Variants in CR1L observed in about 807,000 individuals in gnomAD.
CR1L encodes complement C3b/C4b receptor 1 like, also known as complement component receptor 1-like protein.
In CR1L, 59 loss-of-function variants were observed where a neutral mutation model predicts 62.3. That is an observed-to-expected ratio of 0.95 (90% CI 0.77 to 1.18). CR1L has a LOEUF of 1.18. Among genes scored for constraint, CR1L ranks in the 50% most tolerant of loss-of-function variants. CR1L has a pLI of 0.00. For missense variants in CR1L, 700 were observed against 702.8 expected, an observed-to-expected ratio of 1.00 and a Z score of 0.04; for synonymous variants, 279 against 248.7, an observed-to-expected ratio of 1.12 and a Z score of -1.15.
intron 3 of CR1L, among the ~76,000 whole-genome samples, chr1:207,679,507 C>T (rs1357476177): frequency 6.6e-6 from 1 of 152,066 alleles, no homozygotes; most frequent in African/African-American, 2.4e-5. Context: ...TGCAAAATGG[C>T]ACCATGACTT....
chr1:207,646,757 T>A (rs909372583), intron 1 of CR1L, among the ~76,000 whole-genome samples: 136 of 127,700 alleles, frequency 1.1e-3, no homozygotes, highest in Non-Finnish European at 2.5e-4. Flanking sequence ...CATGCTTAAA[T>A]ACAGGCTTAT....
At chr1:207,648,788 G>T (rs367835110) in intron 1 of CR1L, among the ~76,000 whole-genome samples, 137 of 152,340 alleles carry the variant, frequency 9.0e-4, no homozygotes, top group African/African-American at 3.1e-3. Flanking sequence ...TGCAAAAAGA[G>T]CAGTCCATAT....
intron 1 of CR1L, among the ~76,000 whole-genome samples, chr1:207,660,436 G>A (rs1663392641): frequency 6.6e-6 from 1 of 152,250 alleles, no homozygotes; most frequent in East Asian, 1.9e-4. Flanking sequence ...GCAGCTGAGG[G>A]ACCTGTCTGT....
chr1:207,660,266 C>A (rs1663389566), intron 1 of CR1L, among the ~76,000 whole-genome samples: 1 of 152,246 alleles, frequency 6.6e-6, no homozygotes, highest in Non-Finnish European at 1.5e-5. Flanking sequence ...AGACACCTCC[C>A]AATAGGGGCT....
intron 4 of CR1L, among the ~76,000 whole-genome samples, chr1:207,686,691 A>T (rs1318475506): frequency 3.3e-5 from 5 of 152,212 alleles, no homozygotes; most frequent in Non-Finnish European, 7.3e-5. Context: ...TTTTCAAATT[A>T]CACAATTCAG....
intron 4 of CR1L, among the ~76,000 whole-genome samples, chr1:207,688,098 C>A (rs1663939358): frequency 6.6e-6 from 1 of 152,084 alleles, no homozygotes; most frequent in African/African-American, 2.4e-5. Flanking sequence ...CAAAGCGAGA[C>A]CCTGTCTCTA....
intron 3 of CR1L, among the ~76,000 whole-genome samples, chr1:207,678,518 A>G (rs1558016578): frequency 6.6e-6 from 1 of 152,208 alleles, no homozygotes; most frequent in Non-Finnish European, 1.5e-5. Flanking sequence ...CAGAGCATAT[A>G]TGAAAAGTGT....
intron 1 of CR1L, among the ~76,000 whole-genome samples, chr1:207,660,360 G>C (rs1663390723): frequency 6.6e-6 from 1 of 152,230 alleles, no homozygotes; most frequent in South Asian, 2.1e-4. Context: ...CTGTTCTGCA[G>C]CCTCCGCTGG....
intron 8 of CR1L, among the ~76,000 whole-genome samples, chr1:207,700,863 C>T (rs536129187): frequency 6.6e-5 from 10 of 152,278 alleles, no homozygotes; most frequent in Middle Eastern, 3.4e-3. Context: ...CCCTTCAAAA[C>T]GGTTATTTTT....
intron 10 of CR1L, among the ~76,000 whole-genome samples, chr1:207,713,362 A>C (rs1386238779): frequency 6.6e-6 from 1 of 152,258 alleles, no homozygotes; most frequent in Non-Finnish European, 1.5e-5. Context: ...TAGTGTATGA[A>C]TAACTATGTT....
chr1:207,689,257 T>C (rs1466165154), intron 4 of CR1L, among the ~76,000 whole-genome samples: 3 of 152,122 alleles, frequency 2.0e-5, no homozygotes, highest in Admixed American at 6.5e-5. Context: ...GTTAATGTAA[T>C]ATATTACATT....
chr1:207,708,652 C>A (rs1357781475), intron 10 of CR1L, among the ~76,000 whole-genome samples: 3 of 152,246 alleles, frequency 2.0e-5, no homozygotes, highest in Non-Finnish European at 4.4e-5. Flanking sequence ...CCATGCAGCT[C>A]TTTCTTCCTT....
chr1:207,680,591 A>G (rs1663780700), intron 3 of CR1L, among the ~76,000 whole-genome samples: 2 of 152,078 alleles, frequency 1.3e-5, no homozygotes, highest in South Asian at 4.1e-4. Context: ...TGGGCTTCCT[A>G]CCAAAGAATT....
chr1:207,704,899 A>G (rs1268838318), intron 9 of CR1L, among the ~76,000 whole-genome samples: 1 of 152,198 alleles, frequency 6.6e-6, no homozygotes, highest in East Asian at 1.9e-4. Context: ...AACCTGCAAT[A>G]TCTTTGAGGA....
chr1:207,661,010 C>T (rs1033056780), intron 1 of CR1L, among the ~76,000 whole-genome samples: 4 of 152,138 alleles, frequency 2.6e-5, no homozygotes, highest in African/African-American at 4.8e-5. Flanking sequence ...GTCTGAGAGA[C>T]AGTTTGTTAT....
At chr1:207,705,940 C>T (rs147333190) in intron 9 of CR1L, among the ~76,000 whole-genome samples, 12 of 150,434 alleles carry the variant, frequency 8.0e-5, no homozygotes, top group African/African-American at 2.4e-4. Flanking sequence ...AGTTTGCACA[C>T]GAATGAATAT....
intron 1 of CR1L, among the ~76,000 whole-genome samples, chr1:207,647,032 T>A (rs1346730743): frequency 6.6e-6 from 1 of 151,690 alleles, no homozygotes. Flanking sequence ...TACACACACG[T>A]ACATGCAGGA....
At chr1:207,648,834 T>TCTCCCACA (rs1663178060) in intron 1 of CR1L, among the ~76,000 whole-genome samples, 1 of 152,234 alleles carries the variant, frequency 6.6e-6, no homozygotes, top group Admixed American at 6.5e-5. Context: ...GACTGGGAGA[T>TCTCCCACA]AGGCAGCACA....
At chr1:207,677,760 T>C (rs373328667) in intron 2 of CR1L, among the ~76,000 whole-genome samples, 192 bp downstream of exon 2, 1 of 152,224 alleles carries the variant, frequency 6.6e-6, no homozygotes, top group East Asian at 1.9e-4. Flanking sequence ...CAAGTTTATT[T>C]CATGAGAAAC....
Sources: gnomAD v4.1 joint callset for allele counts (sites outside exome capture counted in the v4.1 genomes callset) on GRCh38, gnomAD v4.1.1 for gene constraint, MANE v1.5 for transcripts, NCBI Gene and HGNC (gene_info 2026-07-23, HGNC 2026-07-21) for gene names.